The following TFEC variants were observed in gnomAD, a reference collection of about 807,000 sequenced individuals.
The protein encoded by TFEC is class E basic helix-loop-helix protein 34.
Under a neutral mutation model 41.6 loss-of-function variants are expected in TFEC, and 31 were observed. The observed-to-expected ratio is 0.74, with a 90% CI of 0.56 to 1.01. The LOEUF (loss-of-function observed/expected upper bound fraction) is 1.01, where lower values mean the gene tolerates loss of function less well. Ranked by LOEUF, TFEC falls within the 50% of genes least tolerant of loss-of-function variation. The pLI, the probability that TFEC is intolerant of heterozygous loss-of-function variation, is 0.00. For synonymous variants in TFEC, 143 were observed against 140.6 expected (o/e 1.02, Z -0.12); for missense variants, 402 against 404.1 (o/e 0.99, Z 0.04).
At chr7:116,095,672 T>C (rs2115882884) in intron 3 of TFEC, among the ~76,000 whole-genome samples, 1 of 152,348 alleles carries the variant, frequency 6.6e-6, no homozygotes, top group South Asian at 2.1e-4. Context: ...CCAAATCTTT[T>C]TGAAACTATG....
At chr7:115,966,178 G>A (rs1212968445) in intron 3 of TFEC, among the ~76,000 whole-genome samples, 5 of 151,596 alleles carry the variant, frequency 3.3e-5, no homozygotes, top group African/African-American at 1.2e-4. Flanking sequence ...AAATCTTGCT[G>A]CATGGCCCCA....
intron 3 of TFEC, among the ~76,000 whole-genome samples, chr7:116,037,968 T>A (rs1562946695): frequency 6.6e-6 from 1 of 152,012 alleles, no homozygotes; most frequent in Non-Finnish European, 1.5e-5. Flanking sequence ...ATTTCATCTA[T>A]CTCGATGAGC....
intron 1 of TFEC, among the ~76,000 whole-genome samples, chr7:116,139,863 G>A (rs1391103985): frequency 6.6e-6 from 1 of 152,170 alleles, no homozygotes; most frequent in Non-Finnish European, 1.5e-5. Flanking sequence ...ATAAACAGAA[G>A]ATAGAAAGAA....
intron 1 of TFEC, among the ~76,000 whole-genome samples, chr7:116,126,310 A>G (rs962931890): frequency 6.6e-6 from 1 of 152,160 alleles, no homozygotes; most frequent in Non-Finnish European, 1.5e-5. Flanking sequence ...AATGTAAGGG[A>G]CTATCTTAAA....
At chr7:116,107,571 T>C (rs1252314150) in intron 3 of TFEC, among the ~76,000 whole-genome samples, 2 of 152,158 alleles carry the variant, frequency 1.3e-5, no homozygotes, top group Non-Finnish European at 2.9e-5. Flanking sequence ...CTAGAGCTGT[T>C]CCTAGTGATA....
At chr7:116,114,049 T>C (rs1199534988) in intron 1 of TFEC, among the ~76,000 whole-genome samples, 2 of 152,032 alleles carry the variant, frequency 1.3e-5, no homozygotes, top group Non-Finnish European at 2.9e-5. Flanking sequence ...GTAACACATT[T>C]AAAAAGAAAA....
chr7:115,970,968 C>T (rs538783566), intron 3 of TFEC, among the ~76,000 whole-genome samples: 15 of 152,122 alleles, frequency 9.9e-5, no homozygotes, highest in Middle Eastern at 3.4e-3. Flanking sequence ...AATGGACTAA[C>T]GCAGACAACC....
At chr7:116,037,608 A>G (rs919564281) in intron 3 of TFEC, among the ~76,000 whole-genome samples, 3 of 152,024 alleles carry the variant, frequency 2.0e-5, no homozygotes, top group Admixed American at 6.6e-5. Flanking sequence ...CTTTTATGCA[A>G]TAATACCAGA....
At chr7:116,061,851 T>C (rs1796564732) in intron 3 of TFEC, among the ~76,000 whole-genome samples, 1 of 152,112 alleles carries the variant, frequency 6.6e-6, no homozygotes, top group East Asian at 1.9e-4. Flanking sequence ...TCAACAGTTA[T>C]TAGGGAAATG....
rs113208959 is a variant in TFEC, at chr7:116,133,348, G to A, written c.-68-21310C>T. 2.2e-3 allele frequency among the ~76,000 whole-genome samples: 336 copies of A among 152,240 alleles called. 1 individual carries two copies. The highest frequency in any genetic ancestry group is 7.8e-3 in the African/African-American group (322 of 41,548). On this transcript the variant is annotated intron_variant, in intron 1 of 8. Transcript: ENST00000484212. The stretch of plus-strand genomic sequence containing the variant: ...GCAGATGACTTGAGGCCAGGAGTTC[G>A]AGACCAGCTTGGCCAACAGGGTGAA...
chr7:116,125,651 A>C (rs1280144665), intron 1 of TFEC, among the ~76,000 whole-genome samples: 1 of 152,176 alleles, frequency 6.6e-6, no homozygotes, highest in African/African-American at 2.4e-5. Context: ...GATCCTACAC[A>C]GAAAAAAGAA....
intron 1 of TFEC, among the ~76,000 whole-genome samples, chr7:116,153,923 T>C (rs1420789368): frequency 1.3e-5 from 2 of 152,138 alleles, no homozygotes; most frequent in African/African-American, 4.8e-5. Context: ...ACTGGAATCA[T>C]AGAAAAAGGA....
intron 1 of TFEC, among the ~76,000 whole-genome samples, chr7:116,132,525 A>T (rs971108176): frequency 2.0e-5 from 3 of 152,210 alleles, no homozygotes; most frequent in Non-Finnish European, 4.4e-5. Flanking sequence ...AGGCAATCCT[A>T]AGTAAAGTTG....
At chr7:115,986,946 TA>T (rs1279260193) in intron 1 of TFEC, among the ~76,000 whole-genome samples, 1 of 151,900 alleles carries the variant, frequency 6.6e-6, no homozygotes, top group Non-Finnish European at 1.5e-5. Flanking sequence ...AAATCTCAAA[TA>T]GAAAAGATCC....
chr7:116,090,342 G>A (rs1010926495), intron 3 of TFEC, among the ~76,000 whole-genome samples: 1 of 152,166 alleles, frequency 6.6e-6, no homozygotes, highest in African/African-American at 2.4e-5. Flanking sequence ...ATTTGGACCT[G>A]AGAAGATTCT....
intron 1 of TFEC, among the ~76,000 whole-genome samples, chr7:116,023,537 G>A (rs1795477549): frequency 6.6e-6 from 1 of 152,110 alleles, no homozygotes. Context: ...CTCTGAAGGA[G>A]CATGAATGAA....
intron 1 of TFEC, among the ~76,000 whole-genome samples, chr7:116,123,704 T>A (rs1283504683): frequency 6.6e-6 from 1 of 152,118 alleles, no homozygotes; most frequent in Non-Finnish European, 1.5e-5. Flanking sequence ...TATTTCTGAG[T>A]ACTTTTATCA....
chr7:116,091,539 G>GA lies in TFEC; in HGVS notation c.198+19168dup, dbSNP rs1797327865. 2.6e-5 allele frequency among the ~76,000 whole-genome samples: 4 copies of GA among 152,116 alleles called. No homozygotes were observed. In the South Asian group the frequency reaches 8.3e-4, roughly 32 times the overall value. ...CATCTGTAATATGTCCCCACCATTA[G>GA]AAAATCAACATTTTTACAAGATGTT... is the stretch of plus-strand genomic sequence containing the variant. On this transcript the variant is annotated intron_variant, in intron 3 of 8. Transcript: ENST00000484212.
chr7:116,090,956 G>C (rs1797312701), intron 3 of TFEC, among the ~76,000 whole-genome samples: 1 of 151,794 alleles, frequency 6.6e-6, no homozygotes, highest in African/African-American at 2.4e-5. Context: ...TCACACACCA[G>C]GGCCTGTCGG....
Sources: gnomAD v4.1 joint callset for allele counts (sites outside exome capture counted in the v4.1 genomes callset) on GRCh38, gnomAD v4.1.1 for gene constraint, MANE v1.5 for transcripts, NCBI Gene and HGNC (gene_info 2026-07-23, HGNC 2026-07-21) for gene names.